ZNF385D: variants seen among roughly 807,000 people sequenced by gnomAD.
ZNF385D encodes zinc finger protein 659.
In ZNF385D, 15 loss-of-function variants were observed where a neutral mutation model predicts 35.8. That is an observed-to-expected ratio of 0.42 (90% CI 0.28 to 0.64). The LOEUF is 0.64. Ranked by LOEUF, ZNF385D falls within the 30% of genes least tolerant of loss-of-function variation. ZNF385D has a pLI of 0.23. For missense variants in ZNF385D, 474 were observed against 494.6 expected, an observed-to-expected ratio of 0.96 and a Z score of 0.39; for synonymous variants, 212 against 186.8, an observed-to-expected ratio of 1.13 and a Z score of -1.10.
At chr3:22,098,650 G>C (rs1438857122) in intron 3 of ZNF385D, among the ~76,000 whole-genome samples, 4 of 151,982 alleles carry the variant, frequency 2.6e-5, no homozygotes, top group Non-Finnish European at 4.4e-5. Flanking sequence ...ATGTAGGCAT[G>C]GGTGCAAATG....
intron 3 of ZNF385D, among the ~76,000 whole-genome samples, chr3:21,954,668 T>C (rs1702209633): frequency 6.6e-6 from 1 of 152,130 alleles, no homozygotes; most frequent in African/African-American, 2.4e-5. Flanking sequence ...ATATATTAAC[T>C]GAAGGTAAAA....
At chr3:21,546,589 C>G (rs1297067064) in intron 3 of ZNF385D, among the ~76,000 whole-genome samples, 1 of 151,754 alleles carries the variant, frequency 6.6e-6, no homozygotes, top group Admixed American at 6.6e-5. Flanking sequence ...GACTCAATTC[C>G]AAGCTTTAGG....
At chr3:22,192,114 G>T (rs183153131) in intron 2 of ZNF385D, among the ~76,000 whole-genome samples, 1 of 152,160 alleles carries the variant, frequency 6.6e-6, no homozygotes, top group Non-Finnish European at 1.5e-5. Flanking sequence ...CCTAACCTCA[G>T]GGTTTAGAAA....
At chr3:21,829,873 C>T (rs1694879491) in intron 3 of ZNF385D, among the ~76,000 whole-genome samples, 1 of 152,096 alleles carries the variant, frequency 6.6e-6, no homozygotes, top group African/African-American at 2.4e-5. Flanking sequence ...CCTGTCATCT[C>T]AACACTTTGG....
chr3:22,275,009 G>C (rs1014345081), intron 2 of ZNF385D, among the ~76,000 whole-genome samples: 3 of 151,970 alleles, frequency 2.0e-5, no homozygotes, highest in African/African-American at 7.2e-5. Flanking sequence ...TAGAGAATAA[G>C]ACAAACCCTG....
chr3:21,474,332 A>T (rs766120223), intron 4 of ZNF385D, among the ~76,000 whole-genome samples: 1 of 152,154 alleles, frequency 6.6e-6, no homozygotes, highest in Non-Finnish European at 1.5e-5. Flanking sequence ...ATAGCAAACC[A>T]TGAAGACTAT....
chr3:21,597,324 G>A (rs933724508), intron 2 of ZNF385D, among the ~76,000 whole-genome samples: 3 of 151,240 alleles, frequency 2.0e-5, no homozygotes, highest in South Asian at 4.2e-4. Context: ...CAATGTTCCC[G>A]CAACTATTTT....
chr3:21,876,776 C>T (rs907120883), intron 3 of ZNF385D, among the ~76,000 whole-genome samples: 1 of 151,908 alleles, frequency 6.6e-6, no homozygotes, highest in African/African-American at 2.4e-5. Flanking sequence ...AGAATTCCAT[C>T]TAATGTGAAA....
intron 3 of ZNF385D, among the ~76,000 whole-genome samples, chr3:21,861,091 A>C (rs2125829856): frequency 6.6e-6 from 1 of 152,252 alleles, no homozygotes; most frequent in Admixed American, 6.5e-5. Context: ...AGGTCAAACA[A>C]AAATATTTTA....
In ZNF385D at chr3:22,062,465, C is replaced by T. The variant is rs116034402; in HGVS notation, c.325+106352G>A. The stretch of plus-strand genomic sequence containing the variant: ...TAAGTTCATAACTAAGGAAATACTG[C>T]CATATAAAGGACTTGCTTCTTGCAG... On this transcript the variant is annotated intron_variant, in intron 3 of 5. Coordinates refer to the ZNF385D transcript ENST00000494108. Among the ~76,000 whole-genome samples the T allele has an allele frequency of 6.4e-4, 97 of 152,176 alleles. 1 individual carries two copies. The highest frequency in any genetic ancestry group is 1.3e-3 in the Non-Finnish European group (86 of 68,022).
At chr3:22,192,425 G>A (rs1355954182) in intron 2 of ZNF385D, among the ~76,000 whole-genome samples, 1 of 152,010 alleles carries the variant, frequency 6.6e-6, no homozygotes, top group Non-Finnish European at 1.5e-5. Context: ...TAATAAACAG[G>A]GCTAACATAT....
intron 3 of ZNF385D, among the ~76,000 whole-genome samples, chr3:21,841,221 C>G (rs1421300281): frequency 1.3e-5 from 2 of 152,046 alleles, no homozygotes; most frequent in East Asian, 3.9e-4. Flanking sequence ...AGACGTAACT[C>G]ATTCTCTTTA....
chr3:21,592,507 T>TA (rs1355446237), intron 2 of ZNF385D, among the ~76,000 whole-genome samples: 1 of 136,766 alleles, frequency 7.3e-6, no homozygotes, highest in African/African-American at 2.8e-5. Context: ...TATTTTCTCA[T>TA]AGAGCTTTTC....
intron 3 of ZNF385D, among the ~76,000 whole-genome samples, chr3:22,069,604 G>T (rs1201400235): frequency 1.3e-5 from 2 of 152,074 alleles, no homozygotes; most frequent in Non-Finnish European, 2.9e-5. Context: ...GGTATCTAGT[G>T]GAATTTTTTG....
intron 3 of ZNF385D, among the ~76,000 whole-genome samples, chr3:22,152,131 T>C (rs193114754): frequency 3.5e-4 from 53 of 152,286 alleles, no homozygotes; most frequent in Admixed American, 2.4e-3. Context: ...TGCATTAGTA[T>C]GCTATGAATG....
At position 21,493,693 on chromosome 3, in the gene ZNF385D, G is replaced by T. The variant is rs200467750; in HGVS notation, c.439+17168C>A. Among the ~76,000 whole-genome samples the T allele has an allele frequency of 1.3e-4, 19 of 151,228 alleles. No homozygotes were observed. The East Asian group carries it at 3.7e-3, about 30-fold the overall frequency. On this transcript the variant is annotated intron_variant, in intron 4 of 7. Coordinates refer to ENST00000281523, the MANE Select transcript of ZNF385D (RefSeq NM_024697.3). ...TGGCCAGAGTGGTCTTGAACTCCTAGTCTCAAGCAATCCTCCCATCTCTGC... is the reference window on the plus strand; with the variant it reads ...TGGCCAGAGTGGTCTTGAACTCCTATTCTCAAGCAATCCTCCCATCTCTGC...
chr3:22,064,987 A>C (rs906600366), intron 3 of ZNF385D, among the ~76,000 whole-genome samples: 35 of 152,226 alleles, frequency 2.3e-4, no homozygotes, highest in African/African-American at 7.5e-4. Context: ...TGACGGTATA[A>C]TGTTGTAATT....
intron 3 of ZNF385D, among the ~76,000 whole-genome samples, chr3:22,025,325 C>T (rs1697471106): frequency 6.6e-6 from 1 of 152,146 alleles, no homozygotes; most frequent in Admixed American, 6.5e-5. Context: ...AAGCCACCCC[C>T]AAAACCTCTG....
intron 3 of ZNF385D, among the ~76,000 whole-genome samples, chr3:22,125,493 T>C (rs1461939123): frequency 1.3e-5 from 2 of 152,130 alleles, no homozygotes; most frequent in Admixed American, 6.5e-5. Flanking sequence ...AACTTGTGGA[T>C]TGCTTTGAAT....
Sources: gnomAD v4.1 joint callset for allele counts (sites outside exome capture counted in the v4.1 genomes callset) on GRCh38, gnomAD v4.1.1 for gene constraint, MANE v1.5 for transcripts, NCBI Gene and HGNC (gene_info 2026-07-23, HGNC 2026-07-21) for gene names.